The following NCALD variants were observed in gnomAD, a reference collection of about 807,000 sequenced individuals.
NCALD encodes the protein neurocalcin-delta.
NCALD carries 10 observed loss-of-function variants against 18.6 expected under a neutral mutation model. That is an observed-to-expected ratio of 0.54 (90% CI 0.33 to 0.91). The LOEUF (loss-of-function observed/expected upper bound fraction) is 0.91. Ranked by LOEUF, NCALD falls within the 40% of genes least tolerant of loss-of-function variation. NCALD has a pLI of 0.03. For synonymous variants in NCALD, 88 were observed against 87.4 expected (o/e 1.01, Z -0.04); for missense variants, 184 against 247.6 (o/e 0.74, Z 1.72).
chr8:101,952,754 G>A (rs1819479222), intron 2 of NCALD, among the ~76,000 whole-genome samples: 1 of 152,176 alleles, frequency 6.6e-6, no homozygotes, highest in Non-Finnish European at 1.5e-5. Flanking sequence ...AAGTGTGGAT[G>A]GCACTGCATA....
intron 2 of NCALD, among the ~76,000 whole-genome samples, chr8:101,968,848 C>T (rs1023626514): frequency 6.6e-6 from 1 of 152,144 alleles, no homozygotes; most frequent in African/African-American, 2.4e-5. Context: ...CAATGCATAC[C>T]GAGCAAATTG....
chr8:101,779,310 G>C (rs1793961598), intron 1 of NCALD, among the ~76,000 whole-genome samples: 1 of 152,122 alleles, frequency 6.6e-6, no homozygotes, highest in African/African-American at 2.4e-5. Context: ...GTAGCACAGA[G>C]GGCTTAGTAG....
At chr8:101,847,295 G>T in intron 4 of NCALD, 1 of 252,254 alleles carries the variant, frequency 4.0e-6, no homozygotes, top group Non-Finnish European at 8.2e-6. Flanking sequence ...ACAAGGTTCA[G>T]AGGGTGGCAC....
chr8:101,959,007 T>C (rs1819738692), intron 2 of NCALD, among the ~76,000 whole-genome samples: 1 of 152,120 alleles, frequency 6.6e-6, no homozygotes, highest in Non-Finnish European at 1.5e-5. Flanking sequence ...ACATCAAAAT[T>C]GTGAAACAAA....
intron 1 of NCALD, among the ~76,000 whole-genome samples, chr8:102,098,785 A>T (rs1485158840): frequency 6.6e-6 from 1 of 151,578 alleles, no homozygotes; most frequent in Non-Finnish European, 1.5e-5. Flanking sequence ...TTAACCAGCC[A>T]CTCCTCAGTT....
intron 1 of NCALD, among the ~76,000 whole-genome samples, chr8:102,028,406 T>C (rs1039036817): frequency 6.6e-6 from 1 of 152,236 alleles, no homozygotes; most frequent in African/African-American, 2.4e-5. Context: ...CTCTTTCACA[T>C]GTGAACTAAA....
intron 2 of NCALD, among the ~76,000 whole-genome samples, chr8:101,998,088 G>T (rs1821306559): frequency 6.6e-6 from 1 of 152,116 alleles, no homozygotes; most frequent in Non-Finnish European, 1.5e-5. Flanking sequence ...GCCCCTTGAG[G>T]TCAAATGCAG....
At chr8:101,959,018 A>G (rs1563933720) in intron 2 of NCALD, among the ~76,000 whole-genome samples, 1 of 152,246 alleles carries the variant, frequency 6.6e-6, no homozygotes, top group East Asian at 1.9e-4. Context: ...GTGAAACAAA[A>G]TACTGAAGCA....
intron 2 of NCALD, among the ~76,000 whole-genome samples, chr8:101,704,835 G>C (rs1006552379): frequency 2.0e-5 from 3 of 151,894 alleles, no homozygotes; most frequent in African/African-American, 7.3e-5. Flanking sequence ...CAGAAGAATA[G>C]CTTGAACCAG....
intron 1 of NCALD, among the ~76,000 whole-genome samples, chr8:101,720,662 G>T (rs1392380146): frequency 2.0e-5 from 3 of 152,072 alleles, no homozygotes; most frequent in African/African-American, 7.3e-5. Context: ...TTGGCCTTGG[G>T]GGAAAATGCC....
At chr8:101,796,322 G>A (rs934654388) in intron 4 of NCALD, among the ~76,000 whole-genome samples, 3 of 152,064 alleles carry the variant, frequency 2.0e-5, no homozygotes, top group African/African-American at 7.2e-5. Context: ...AAGCATGCCA[G>A]GAAATAGGTC....
At chr8:101,891,894 G>A (rs965443883) in intron 3 of NCALD, among the ~76,000 whole-genome samples, 1 of 152,188 alleles carries the variant, frequency 6.6e-6, no homozygotes, top group South Asian at 2.1e-4. Context: ...TCCTACCACA[G>A]CAGTCTGAGA....
intron 2 of NCALD, among the ~76,000 whole-genome samples, chr8:101,717,512 G>A (rs1427441598): frequency 6.6e-6 from 1 of 152,042 alleles, no homozygotes; most frequent in Non-Finnish European, 1.5e-5. Context: ...TCAAGTTACA[G>A]GTGTTACTCA....
At chr8:102,106,682 G>A (rs1825466186) in intron 1 of NCALD, among the ~76,000 whole-genome samples, 1 of 152,114 alleles carries the variant, frequency 6.6e-6, no homozygotes, top group Non-Finnish European at 1.5e-5. Context: ...ACTGCTGGAA[G>A]CTTGGCCTCC....
chr8:101,998,857 G>T (rs1247229095), intron 2 of NCALD, among the ~76,000 whole-genome samples: 1 of 152,064 alleles, frequency 6.6e-6, no homozygotes, highest in East Asian at 1.9e-4. Flanking sequence ...CCCTTTCCTG[G>T]CTAAGAATGA....
intron 3 of NCALD, among the ~76,000 whole-genome samples, chr8:101,898,198 T>C (rs1427273581): frequency 1.3e-5 from 2 of 152,230 alleles, no homozygotes; most frequent in African/African-American, 4.8e-5. Flanking sequence ...AACAGACTAA[T>C]ACAGGCATTA....
chr8:101,895,838 C>G (rs944811349), intron 3 of NCALD, among the ~76,000 whole-genome samples: 1 of 146,624 alleles, frequency 6.8e-6, no homozygotes, highest in Non-Finnish European at 1.5e-5. Flanking sequence ...AGGCGAACTA[C>G]AAACCACTGC....
At chr8:101,730,853 C>T (rs1183587095) in intron 1 of NCALD, among the ~76,000 whole-genome samples, 4 of 152,124 alleles carry the variant, frequency 2.6e-5, no homozygotes, top group Non-Finnish European at 5.9e-5. Context: ...ACATCTATTG[C>T]CACTAGACTG....
At chr8:101,926,976 C>T (rs1427777723) in intron 2 of NCALD, among the ~76,000 whole-genome samples, 3 of 152,258 alleles carry the variant, frequency 2.0e-5, no homozygotes, top group East Asian at 3.9e-4. Flanking sequence ...AAAACAGATG[C>T]CTGAAACAAG....
Sources: allele counts gnomAD v4.1 joint callset (sites outside exome capture counted in the v4.1 genomes callset), GRCh38; gene constraint gnomAD v4.1.1; transcripts MANE v1.5; gene names NCBI Gene and HGNC (gene_info 2026-07-23, HGNC 2026-07-21).